SEM1: variants seen among roughly 807,000 people sequenced by gnomAD.
The protein encoded by SEM1 is SEM1 26S proteasome subunit.
SEM1 carries 3 observed loss-of-function variants against 12.7 expected under a neutral mutation model. The ratio of observed to expected loss-of-function variants is 0.24; its 90% CI spans 0.11 to 0.61. The LOEUF is 0.61. Ranked by LOEUF, SEM1 falls within the 20% of genes least tolerant of loss-of-function variation. SEM1 has a pLI of 0.88. For synonymous variants in SEM1, 30 were observed against 27.8 expected (o/e 1.08, Z -0.25); for missense variants, 59 against 81.3 (o/e 0.73, Z 1.06).
At position 96,486,253 on chromosome 7, in the gene SEM1, GT is replaced by G. The variant is rs1354196239; in HGVS notation, c.176del (p.Asn59ThrfsTer13). On this transcript the variant is annotated frameshift_variant, in exon 2 of 4. Coordinates refer to the SEM1 transcript ENST00000356686. LOFTEE classifies it high-confidence loss of function. The stretch of plus-strand genomic sequence containing the variant: ...TCGCTCTGGAGTTGGGCATCTCCAA[GT>G]TTATCTGTTGCTTTGCAAAGGCCGG... The G allele has an allele frequency of 6.5e-7, 1 of 1,536,652 alleles. No homozygotes were observed. The highest frequency in any genetic ancestry group is 1.4e-5 in the African/African-American group (1 of 72,828).
intron 2 of SEM1, among the ~76,000 whole-genome samples, chr7:96,510,161 TTTAGTTATTTCTGA>T (rs1174421851): frequency 6.6e-6 from 1 of 152,120 alleles, no homozygotes; most frequent in African/African-American, 2.4e-5. Context: ...GGAAATCTGA[TTTAGTTATTTCTGA>T]TATTGATATT....
chr7:96,671,882 A>G (rs1396111573), downstream of SEM1, among the ~76,000 whole-genome samples: 3 of 152,230 alleles, frequency 2.0e-5, no homozygotes, highest in Non-Finnish European at 4.4e-5. Context: ...TTCACAGTGT[A>G]AACAGTAATT....
chr7:96,689,801 G>A (rs1789873407), intron 2 of SEM1, among the ~76,000 whole-genome samples: 1 of 152,156 alleles, frequency 6.6e-6, no homozygotes, highest in South Asian at 2.1e-4. Context: ...CTTCTGCTAT[G>A]GGGTGGTGGT....
intron 2 of SEM1, among the ~76,000 whole-genome samples, chr7:96,614,342 G>T (rs1370289199): frequency 6.6e-6 from 1 of 151,992 alleles, no homozygotes; most frequent in Non-Finnish European, 1.5e-5. Context: ...TGTTTTTATT[G>T]TTTTGTGGTT....
At chr7:96,647,400 C>G (rs1427285085) in intron 2 of SEM1, 1 of 152,178 alleles carries the variant, frequency 6.6e-6, no homozygotes, top group Non-Finnish European at 1.5e-5. Context: ...GTACTTTTCT[C>G]TTAGAAAATA....
intron 2 of SEM1, among the ~76,000 whole-genome samples, chr7:96,545,313 A>T (rs1805073772): frequency 6.6e-6 from 1 of 152,022 alleles, no homozygotes; most frequent in Non-Finnish European, 1.5e-5. Context: ...AAGAGGAGTA[A>T]TGGTTCATAG....
At chr7:96,499,497 A>C (rs1009594598), upstream of SEM1, among the ~76,000 whole-genome samples, 3 of 152,220 alleles carry the variant, frequency 2.0e-5, no homozygotes, top group African/African-American at 7.2e-5. Context: ...AGGGAACTGC[A>C]TGAGGGTTCC....
intron 2 of SEM1, among the ~76,000 whole-genome samples, chr7:96,612,130 T>G (rs937387293): frequency 2.0e-5 from 3 of 152,212 alleles, no homozygotes; most frequent in African/African-American, 7.2e-5. Context: ...CTTCACAGTT[T>G]ATAAAGCAGC....
intron 2 of SEM1, among the ~76,000 whole-genome samples, chr7:96,692,377 CAT>C (rs1232539236): frequency 6.6e-6 from 1 of 152,048 alleles, no homozygotes; most frequent in Admixed American, 6.5e-5. Context: ...ATGTCAAAAA[CAT>C]ATCAGGAAGA....
chr7:96,653,034 A>C (rs1057210059), intron 2 of SEM1, among the ~76,000 whole-genome samples: 5 of 152,220 alleles, frequency 3.3e-5, no homozygotes, highest in African/African-American at 1.2e-4. Flanking sequence ...TGCATGACCT[A>C]ATACAACAAT....
At chr7:96,587,662 T>TC (rs1271131922) in intron 2 of SEM1, among the ~76,000 whole-genome samples, 2 of 136,036 alleles carry the variant, frequency 1.5e-5, no homozygotes, top group African/African-American at 5.4e-5. Context: ...TGTTTTTTTT[T>TC]TTTCCCCAGG....
At chr7:96,526,731 C>T (rs1395549580) in intron 2 of SEM1, among the ~76,000 whole-genome samples, 1 of 152,114 alleles carries the variant, frequency 6.6e-6, no homozygotes, top group East Asian at 1.9e-4. Flanking sequence ...AAGCCCTCCC[C>T]TCTCCTTTCT....
intron 1 of SEM1, among the ~76,000 whole-genome samples, chr7:96,709,148 C>T (rs1248910857): frequency 6.6e-6 from 1 of 151,980 alleles, no homozygotes; most frequent in African/African-American, 2.4e-5. Flanking sequence ...TAAGTTAGGT[C>T]ACAGTTAAGT....
intron 1 of SEM1, among the ~76,000 whole-genome samples, chr7:96,698,514 T>C (rs1380560024): frequency 6.6e-6 from 1 of 152,146 alleles, no homozygotes; most frequent in African/African-American, 2.4e-5. Context: ...GAACATGCGG[T>C]GTTAGGTTTT....
intron 2 of SEM1, among the ~76,000 whole-genome samples, chr7:96,584,965 G>T (rs377181249): frequency 1.3e-5 from 2 of 151,336 alleles, no homozygotes; most frequent in East Asian, 1.9e-4. Flanking sequence ...TCTTCTCTCA[G>T]CTCGTCAAAG....
intron 2 of SEM1, among the ~76,000 whole-genome samples, chr7:96,544,105 TCA>T (rs1166804472): frequency 6.6e-6 from 1 of 152,040 alleles, no homozygotes; most frequent in Non-Finnish European, 1.5e-5. Context: ...CGTTAAAACA[TCA>T]CAGAGAAATG....
At chr7:96,529,421 G>A (rs1166503641) in intron 2 of SEM1, among the ~76,000 whole-genome samples, 4 of 151,972 alleles carry the variant, frequency 2.6e-5, no homozygotes, top group Non-Finnish European at 5.9e-5. Flanking sequence ...TTATTTGCTG[G>A]ATCATAGTTA....
intron 2 of SEM1, among the ~76,000 whole-genome samples, chr7:96,680,875 A>G (rs1789590375): frequency 1.3e-5 from 2 of 152,112 alleles, no homozygotes; most frequent in Non-Finnish European, 2.9e-5. Flanking sequence ...CTGACACACA[A>G]GGAGTTGGCT....
At position 96,492,621 on chromosome 7, in the gene SEM1, AG is replaced by A. The variant is rs539767641; in HGVS notation, c.12+3662del. 3.1e-3 allele frequency among the ~76,000 whole-genome samples: 335 copies of A among 107,420 alleles called. 1 individual carries two copies. The highest frequency in any genetic ancestry group is 3.9e-3 in the Non-Finnish European group (213 of 55,008). 70.5% of individuals were successfully genotyped at this position (107,420 alleles called of 152,430 possible). ...TTTTTTTTTTTTTTTTGTAGAGACA[AG>A]GTTTCACCATGTTGGCCAGGCTGGT... On this transcript the variant is annotated intron_variant, in intron 1 of 3. Coordinates refer to the SEM1 transcript ENST00000356686.
Sources: gnomAD v4.1 joint callset for allele counts (sites outside exome capture counted in the v4.1 genomes callset) on GRCh38, gnomAD v4.1.1 for gene constraint, MANE v1.5 for transcripts, NCBI Gene and HGNC (gene_info 2026-07-23, HGNC 2026-07-21) for gene names.